The following FRMD4A variants were observed in gnomAD, a reference collection of about 807,000 sequenced individuals.
FRMD4A encodes FERM domain containing 4A, also known as FERM domain-containing protein 4A.
A neutral mutation model predicts 129.1 loss-of-function variants in FRMD4A; 29 were observed. The ratio of observed to expected loss-of-function variants is 0.22; its 90% CI spans 0.17 to 0.31. FRMD4A has a LOEUF of 0.31. Among genes scored for constraint, FRMD4A ranks in the 10% least tolerant of loss-of-function variants. The pLI is 1.00. For missense variants in FRMD4A, 1,272 were observed against 1,375.8 expected (o/e 0.92, Z 1.19); for synonymous variants, 634 against 571.6 (o/e 1.11, Z -1.56).
chr10:13,997,944 A>C (rs2095628781), intron 2 of FRMD4A, among the ~76,000 whole-genome samples: 1 of 152,132 alleles, frequency 6.6e-6, no homozygotes, highest in Admixed American at 6.5e-5. Context: ...CAATTTGTGC[A>C]ATCTTTTATG....
chr10:13,781,815 G>GTCTCC (rs1564793135), intron 6 of FRMD4A, among the ~76,000 whole-genome samples: 1 of 80,066 alleles, frequency 1.2e-5, no homozygotes, highest in Non-Finnish European at 2.2e-5. Context: ...GCCAGTGGCT[G>GTCTCC]AGGAAAACGG....
intron 2 of FRMD4A, among the ~76,000 whole-genome samples, chr10:14,108,991 T>C (rs954657778): frequency 6.6e-6 from 1 of 152,146 alleles, no homozygotes; most frequent in Non-Finnish European, 1.5e-5. Flanking sequence ...GGTCACCCAT[T>C]TTTGTACTTT....
intron 6 of FRMD4A, among the ~76,000 whole-genome samples, chr10:13,777,070 C>G (rs2092612710): frequency 6.6e-6 from 1 of 152,262 alleles, no homozygotes; most frequent in Non-Finnish European, 1.5e-5. Context: ...GGAGACGTTA[C>G]AGGAGGTGCC....
chr10:13,699,224 G>A (rs1286010660), intron 14 of FRMD4A, among the ~76,000 whole-genome samples: 2 of 76,272 alleles, frequency 2.6e-5, no homozygotes, highest in Non-Finnish European at 4.9e-5. Context: ...CTTGGTTATT[G>A]TTTTTTTTTT....
chr10:14,236,121 A>T (rs909614258), intron 2 of FRMD4A, among the ~76,000 whole-genome samples: 1 of 152,162 alleles, frequency 6.6e-6, no homozygotes, highest in Non-Finnish European at 1.5e-5. Context: ...TCTAAAAGGG[A>T]TGCTCTTCGC....
At chr10:13,791,613 C>T (rs919846756) in intron 5 of FRMD4A, among the ~76,000 whole-genome samples, 16 of 152,152 alleles carry the variant, frequency 1.1e-4, no homozygotes, top group Non-Finnish European at 2.2e-4. Flanking sequence ...AGGAAATGGA[C>T]GCGAAATTGC....
intron 2 of FRMD4A, among the ~76,000 whole-genome samples, chr10:14,118,177 G>A (rs1021982346): frequency 6.6e-6 from 1 of 152,188 alleles, no homozygotes; most frequent in Non-Finnish European, 1.5e-5. Flanking sequence ...CTAATCTCTG[G>A]AGCTGAGGCC....
chr10:14,091,722 C>T (rs945028734), intron 2 of FRMD4A, among the ~76,000 whole-genome samples: 45 of 152,202 alleles, frequency 3.0e-4, no homozygotes, highest in African/African-American at 1.1e-3. Context: ...CGTGAGCCAC[C>T]GTGCCTGGCC....
At chr10:13,697,548 A>C (rs2086348510) in intron 14 of FRMD4A, among the ~76,000 whole-genome samples, 1 of 152,122 alleles carries the variant, frequency 6.6e-6, no homozygotes, top group Admixed American at 6.5e-5. Flanking sequence ...CTCTCTTTGC[A>C]AAGTCAGGTC....
chr10:13,831,381 G>A (rs2093787757), intron 3 of FRMD4A, among the ~76,000 whole-genome samples: 1 of 152,158 alleles, frequency 6.6e-6, no homozygotes, highest in Non-Finnish European at 1.5e-5. Context: ...GTAGGAGTTT[G>A]AGGCCTGCAG....
intron 2 of FRMD4A, among the ~76,000 whole-genome samples, chr10:13,905,803 T>C (rs1438696158): frequency 6.6e-6 from 1 of 152,126 alleles, no homozygotes; most frequent in Non-Finnish European, 1.5e-5. Flanking sequence ...GTGCATTCCG[T>C]TTTTTCCGTC....
intron 2 of FRMD4A, among the ~76,000 whole-genome samples, chr10:14,048,840 TAGAATAGAATAGAATAGAATAG>T (rs1429124808): frequency 2.4e-4 from 7 of 28,800 alleles, no homozygotes; most frequent in Admixed American, 1.1e-3. Flanking sequence ...TAGAATAGAA[TAGAATAGAATAGAATAGAATAG>T]AATAGAATAG....
At chr10:13,994,810 C>G (rs1251800763) in intron 2 of FRMD4A, among the ~76,000 whole-genome samples, 1 of 152,184 alleles carries the variant, frequency 6.6e-6, no homozygotes, top group African/African-American at 2.4e-5. Context: ...CGTGGCACAG[C>G]TGAGTAGTAG....
At chr10:13,775,221 T>C (rs896647987) in intron 6 of FRMD4A, among the ~76,000 whole-genome samples, 2 of 152,160 alleles carry the variant, frequency 1.3e-5, no homozygotes, top group African/African-American at 4.8e-5. Context: ...ATGTCACGTC[T>C]CCAGACTAAA....
At position 13,657,047 on chromosome 10, in the gene FRMD4A, C is replaced by T. The variant is rs776754850; in HGVS notation, c.2542G>A (p.Val848Met). Residue 848 changes from valine to methionine, a missense_variant, in exon 22 of 25, where the codon GTG becomes ATG. Coordinates refer to ENST00000357447, the MANE Select transcript of FRMD4A (RefSeq NM_018027.5). ...TCGCTCTCCAGGCTGCGCACCACCACGGGCGTGGCGCCGCCCTCGATGTAC... is the reference window on the plus strand; with the variant it reads ...TCGCTCTCCAGGCTGCGCACCACCATGGGCGTGGCGCCGCCCTCGATGTAC... Reference protein sequence around the residue: ...PLYIEGGATPVVVRSLESDQE... With the variant: ...PLYIEGGATPMVVRSLESDQE... 4.5e-6 allele frequency: 7 copies of T among 1,571,504 alleles called. No homozygotes were observed. Among genetic ancestry groups the T allele is most frequent in the Middle Eastern group, 3.3e-4 (2 of 5,978 alleles).
chr10:14,005,550 G>A (rs2095659279), intron 2 of FRMD4A, among the ~76,000 whole-genome samples: 1 of 152,190 alleles, frequency 6.6e-6, no homozygotes, highest in Non-Finnish European at 1.5e-5. Flanking sequence ...TCAGTGTCCT[G>A]GAAATCATGT....
intron 2 of FRMD4A, chr10:13,972,180 A>C: frequency 1.9e-6 from 2 of 1,028,028 alleles, no homozygotes; most frequent in Non-Finnish European, 2.3e-6. Context: ...GGAAGACCTC[A>C]GACCCAGAAG....
chr10:13,972,164 A>G, intron 2 of FRMD4A: 3 of 1,041,862 alleles, frequency 2.9e-6, no homozygotes, highest in Non-Finnish European at 3.5e-6. Context: ...ATCAAACAGA[A>G]CTTAGGGAAG....
chr10:14,321,843 G>A (rs1455664727), intron 2 of FRMD4A, among the ~76,000 whole-genome samples: 1 of 152,146 alleles, frequency 6.6e-6, no homozygotes, highest in African/African-American at 2.4e-5. Flanking sequence ...GAAGGGGCCT[G>A]GTGGGAGGTG....
Sources: gnomAD v4.1 joint callset for allele counts (sites outside exome capture counted in the v4.1 genomes callset) on GRCh38, gnomAD v4.1.1 for gene constraint, MANE v1.5 for transcripts, NCBI Gene and HGNC (gene_info 2026-07-23, HGNC 2026-07-21) for gene names.